The following DDX60L variants were observed in gnomAD, a reference collection of about 807,000 sequenced individuals.
DDX60L encodes the protein probable ATP-dependent RNA helicase DDX60-like.
Under a neutral mutation model 211.6 loss-of-function variants are expected in DDX60L, and 191 were observed. The ratio of observed to expected loss-of-function variants is 0.90; its 90% CI spans 0.80 to 1.02. The LOEUF is 1.02. Among genes scored for constraint, DDX60L ranks in the 50% least tolerant of loss-of-function variants. The pLI, the probability that DDX60L is intolerant of heterozygous loss-of-function variation, is 0.00. For synonymous variants in DDX60L, 706 were observed against 694.1 expected, an observed-to-expected ratio of 1.02 and a Z score of -0.27; for missense variants, 2,007 against 1,984.1, an observed-to-expected ratio of 1.01 and a Z score of -0.22.
chr4:168,363,075 A>G (rs1739372754), intron 36 of DDX60L, among the ~76,000 whole-genome samples: 1 of 152,218 alleles, frequency 6.6e-6, no homozygotes, highest in Non-Finnish European at 1.5e-5. Context: ...GCATCAAGTC[A>G]CACATAACGG....
intron 13 of DDX60L, among the ~76,000 whole-genome samples, chr4:168,429,962 C>T (rs1279040071): frequency 2.0e-5 from 3 of 152,108 alleles, no homozygotes; most frequent in African/African-American, 7.2e-5. Flanking sequence ...CTTTGGGAGG[C>T]CAAGGTGGGT....
rs372227265 is a variant in DDX60L, at chr4:168,421,924, G to A, written c.2245-15C>T. ...AGGAGTTCCTGCTGCAGGGTACAAA[G>A]CACCATTTGTGTCAAGAAAGTGAAC... is the stretch of plus-strand genomic sequence containing the variant. On this transcript the variant is annotated splice_polypyrimidine_tract_variant and intron_variant, in intron 16 of 37. Transcript: ENST00000682922. 2.2e-4 allele frequency: 348 copies of A among 1,613,954 alleles called. 1 individual carries two copies. The highest frequency in any genetic ancestry group is 1.3e-3 in the Middle Eastern group (8 of 6,062).
chr4:168,421,472 T>C (rs1176647651), intron 17 of DDX60L, among the ~76,000 whole-genome samples: 1 of 152,156 alleles, frequency 6.6e-6, no homozygotes, highest in Non-Finnish European at 1.5e-5. Flanking sequence ...CTAGCCAACA[T>C]GGTGAAACCC....
chr4:168,473,238 T>C (rs368043791), intron 1 of DDX60L, among the ~76,000 whole-genome samples: 7 of 152,194 alleles, frequency 4.6e-5, no homozygotes, highest in South Asian at 2.1e-4. Context: ...TAAGGAATTT[T>C]AAGGTGTTTC....
At chr4:168,413,094 C>A (rs1748967735) in intron 22 of DDX60L, among the ~76,000 whole-genome samples, 1 of 152,182 alleles carries the variant, frequency 6.6e-6, no homozygotes, top group African/African-American at 2.4e-5. Context: ...ACTGTGAAGA[C>A]TACAATAAAT....
chr4:168,395,001 A>G (rs982817127), intron 27 of DDX60L, among the ~76,000 whole-genome samples: 5 of 152,216 alleles, frequency 3.3e-5, no homozygotes, highest in Admixed American at 2.6e-4. Flanking sequence ...TCTACTCTAG[A>G]TGATCAGACA....
At chr4:168,369,283 G>A (rs1740535351) in intron 36 of DDX60L, among the ~76,000 whole-genome samples, 1 of 152,116 alleles carries the variant, frequency 6.6e-6, no homozygotes, top group South Asian at 2.1e-4. Flanking sequence ...AAGGTCTGAT[G>A]GTTTTAAAAA....
chr4:168,415,551 G>T, intron 21 of DDX60L, 34 bp from the exon 22 acceptor site: 1 of 1,466,408 alleles, frequency 6.8e-7, no homozygotes, highest in Non-Finnish European at 9.4e-7. Context: ...CCAAATTAAT[G>T]GACATACGAT....
At chr4:168,449,990 C>T (rs1311687746) in intron 8 of DDX60L, among the ~76,000 whole-genome samples, 4 of 152,078 alleles carry the variant, frequency 2.6e-5, no homozygotes, top group African/African-American at 9.7e-5. Flanking sequence ...ACTTTGTTTA[C>T]AGTTTATAGT....
chr4:168,472,783 T>C lies in DDX60L; in HGVS notation c.-84A>G, dbSNP rs937703732. ...CTGATTTATTTTGACACCTCTAAAATGGCTACATTTGATGTGAATGGCACC... is the reference window on the plus strand; with the variant it reads ...CTGATTTATTTTGACACCTCTAAAACGGCTACATTTGATGTGAATGGCACC... On this transcript the variant is annotated 5_prime_UTR_variant, in exon 2 of 38. Transcript: ENST00000682922. 5 of 1,479,672 alleles carry C rather than the reference T, an allele frequency of 3.4e-6. No individual in the cohort carries two copies. The highest frequency in any genetic ancestry group is 3.7e-5 in the Admixed American group (2 of 53,492). The allele number at this position is 1,479,672 out of a possible 1,614,324, so 91.7% of individuals were successfully genotyped here. A position where few individuals can be genotyped will look rare whatever the true frequency, so the allele number is the denominator to read the frequency against.
chr4:168,375,496 A>G lies in DDX60L; in HGVS notation c.4514T>C (p.Phe1505Ser). 1 of 1,612,090 alleles carries G rather than the reference A, an allele frequency of 6.2e-7. No homozygotes were observed. Among genetic ancestry groups the G allele is most frequent in the African/African-American group, 1.3e-5 (1 of 74,972 alleles). ...GTTATACTCATATAAAGCAGCTTTA[A>G]AATCCTCCGGGAGTTCGGCAAGGAT... ...KVILAELPED[F>S]KAALYEYNLA... The change falls in exon 34 of 38, where the codon TTT becomes TCT. Residue 1505 changes from phenylalanine (F) to serine (S), a missense_variant. Phe to Ser is a radical substitution (Grantham distance 155). Coordinates refer to ENST00000682922, the MANE Select transcript of DDX60L (RefSeq NM_001012967.3).
At chr4:168,424,156 A>T (rs1040874487) in intron 14 of DDX60L, among the ~76,000 whole-genome samples, 1 of 152,210 alleles carries the variant, frequency 6.6e-6, no homozygotes, top group East Asian at 1.9e-4. Flanking sequence ...CACAGGAAAA[A>T]GTCCTATGAT....
chr4:168,384,534 C>T (rs902051721), intron 30 of DDX60L, 78 bp downstream of exon 30: 2 of 1,557,422 alleles, frequency 1.3e-6, no homozygotes, highest in Non-Finnish European at 1.8e-6. Context: ...TCAAGACAGA[C>T]TTCTAAAAGA....
intron 4 of DDX60L, 98 bp downstream of exon 4, chr4:168,471,649 T>C (rs2150143606): frequency 1.1e-6 from 1 of 949,732 alleles, no homozygotes; most frequent in Non-Finnish European, 1.5e-6. Flanking sequence ...ATATTTTCTA[T>C]GATGACATGC....
At chr4:168,470,839 T>TAA (rs78162593) in intron 4 of DDX60L, 238 of 220,858 alleles carry the variant, frequency 1.1e-3, no homozygotes, top group South Asian at 1.9e-3. Flanking sequence ...AAACTCCATC[T>TAA]AAAAAAAAAA....
intron 1 of DDX60L, among the ~76,000 whole-genome samples, chr4:168,476,420 G>C (rs1313638483): frequency 6.6e-6 from 1 of 152,112 alleles, no homozygotes; most frequent in Non-Finnish European, 1.5e-5. Flanking sequence ...GACATTCTCT[G>C]TCTCTGAATG....
At position 168,357,887 on chromosome 4, in the gene DDX60L, T is replaced by C. The variant is rs1738404935; in HGVS notation, c.*260A>G. ...GTCACCACCCAATCCCAATCACTTT[T>C]CTTACATTATCTCATTTAATCCTCA... On this transcript the variant is annotated 3_prime_UTR_variant, in exon 38 of 38. Transcript: ENST00000682922. 2.0e-5 allele frequency: 6 copies of C among 301,948 alleles called. No individual in the cohort carries two copies. The South Asian group carries it at 2.6e-4, about 13-fold the overall frequency. 18.7% of individuals were successfully genotyped at this position (301,948 alleles called of 1,614,324 possible).
At chr4:168,441,837 G>A (rs1055391599) in intron 9 of DDX60L, among the ~76,000 whole-genome samples, 1 of 151,912 alleles carries the variant, frequency 6.6e-6, no homozygotes, top group African/African-American at 2.4e-5. Context: ...ATTAACAAAG[G>A]AACATCACCA....
intron 36 of DDX60L, among the ~76,000 whole-genome samples, chr4:168,364,591 G>A (rs1739649093): frequency 6.6e-6 from 1 of 152,096 alleles, no homozygotes; most frequent in Non-Finnish European, 1.5e-5. Context: ...GTGATGCCTA[G>A]GCTGGTCTTG....
Sources: gnomAD v4.1 joint callset for allele counts (sites outside exome capture counted in the v4.1 genomes callset) on GRCh38, gnomAD v4.1.1 for gene constraint, MANE v1.5 for transcripts, NCBI Gene and HGNC (gene_info 2026-07-23, HGNC 2026-07-21) for gene names.